ZBTB7A: variants seen among roughly 807,000 people sequenced by gnomAD.
The protein encoded by ZBTB7A is zinc finger and BTB domain-containing protein 7A.
ZBTB7A carries 7 observed loss-of-function variants against 26.7 expected under a neutral mutation model. That is an observed-to-expected ratio of 0.26 (90% CI 0.15 to 0.49). ZBTB7A has a LOEUF of 0.49. Ranked by LOEUF, ZBTB7A falls within the 20% of genes least tolerant of loss-of-function variation. ZBTB7A has a pLI of 0.98. For missense variants in ZBTB7A, 617 were observed against 919.5 expected, an observed-to-expected ratio of 0.67 and a Z score of 4.25; for synonymous variants, 452 against 441.0, an observed-to-expected ratio of 1.02 and a Z score of -0.31.
rs759055137 is a variant in ZBTB7A, at chr19:4,048,124, C to T, written c.1383G>A (p.Thr461=). 2.0e-5 allele frequency: 33 copies of T among 1,610,034 alleles called. No individual in the cohort carries two copies. Among genetic ancestry groups the T allele is most frequent in the East Asian group, 6.7e-5 (3 of 44,614 alleles). Residue 461 remains threonine (T), a synonymous_variant, in exon 3 of 3, where the codon ACG becomes ACA. Coordinates refer to ENST00000322357, the MANE Select transcript of ZBTB7A (RefSeq NM_015898.4). The surrounding 1 kb of genome is among the most constrained non-coding windows in gnomAD (Gnocchi z 6.7). ...TGTCGCACTGGTAGGGGCGCAGGCCCGTGTGCACGCGCATGTGGTTCTTCA... is the reference window on the plus strand; with the variant it reads ...TGTCGCACTGGTAGGGGCGCAGGCCTGTGTGCACGCGCATGTGGTTCTTCA... ...YDLKNHMRVH[T]GLRPYQCDSC...
rs377496407 is a variant in ZBTB7A, at chr19:4,054,879, G to T, written c.354C>A (p.Ala118=). The part of the protein sequence containing the change: ...LSAARLLEIP[A]VSHVCADLLD... ...GGAGGTCGGCGCACACGTGGCTCAC[G>T]GCGGGGATCTCCAGCAGGCGGGCGG... Residue 118 remains alanine, a synonymous_variant, in exon 2 of 3, where the codon GCC becomes GCA. Transcript: ENST00000322357. 6 of 1,607,596 alleles carry T rather than the reference G, an allele frequency of 3.7e-6. No homozygotes were observed. The African/African-American group carries it at 6.7e-5, about 18-fold the overall frequency.
chr19:4,051,330 T>C (rs878929976), intron 2 of ZBTB7A, among the ~76,000 whole-genome samples: 1 of 152,026 alleles, frequency 6.6e-6, no homozygotes, highest in Admixed American at 6.6e-5. Context: ...TGAAGACTTC[T>C]TTAGTGTGGG....
intron 2 of ZBTB7A, among the ~76,000 whole-genome samples, chr19:4,049,164 G>GTATA (rs748377446): frequency 0.018 from 384 of 20,990 alleles, 4 homozygotes; most frequent in Non-Finnish European, 0.036. Flanking sequence ...GTGTGTGTGT[G>GTATA]TGTGTATATA....
chr19:4,061,257 TGAG>T (rs1296940888), intron 1 of ZBTB7A, among the ~76,000 whole-genome samples: 2 of 152,080 alleles, frequency 1.3e-5, no homozygotes, highest in Admixed American at 6.5e-5. Flanking sequence ...TGGTGGGGCC[TGAG>T]GAGGAAGCTG....
chr19:4,064,062 G>C (rs2040665826), intron 1 of ZBTB7A, among the ~76,000 whole-genome samples: 1 of 152,212 alleles, frequency 6.6e-6, no homozygotes, highest in African/African-American at 2.4e-5. Flanking sequence ...GAACCTTTCC[G>C]ACCAGGCCCC....
intron 2 of ZBTB7A, 116 bp downstream of exon 2, chr19:4,053,855 G>A: frequency 8.2e-7 from 1 of 1,214,536 alleles, no homozygotes; most frequent in South Asian, 1.5e-5. Flanking sequence ...GTGCGTGTAT[G>A]TGTGCGTCTG....
At chr19:4,057,038 A>G (rs2040587391) in intron 1 of ZBTB7A, among the ~76,000 whole-genome samples, 4 of 145,836 alleles carry the variant, frequency 2.7e-5, no homozygotes, top group South Asian at 2.3e-4. Flanking sequence ...AAAAAAAAAA[A>G]AAAGAAAAAG....
chr19:4,064,398 A>G (rs557985350), intron 1 of ZBTB7A, among the ~76,000 whole-genome samples: 1 of 152,228 alleles, frequency 6.6e-6, no homozygotes, highest in South Asian at 2.1e-4. Context: ...CCCCGCCGAT[A>G]GGTGCTCTCG....
At chr19:4,055,645 ACC>A (rs1443509113) in intron 1 of ZBTB7A, 1 of 201,416 alleles carries the variant, frequency 5.0e-6, no homozygotes, top group East Asian at 1.9e-4. Context: ...ACACAGTGAA[ACC>A]CCGTCTCTAC....
chr19:4,053,114 A>G (rs764331972), intron 2 of ZBTB7A, among the ~76,000 whole-genome samples: 5 of 152,232 alleles, frequency 3.3e-5, no homozygotes, highest in Admixed American at 6.5e-5. Flanking sequence ...AAAAAAATCC[A>G]AAAGTGCAGA....
rs181207742 is a variant in ZBTB7A, at chr19:4,044,201, G to A, written c.*3551C>T. On this transcript the variant is annotated 3_prime_UTR_variant, in exon 3 of 3. Coordinates refer to ENST00000322357, the MANE Select transcript of ZBTB7A (RefSeq NM_015898.4). ...TGGAAGAGGCTGGGGGACCCCCCTC[G>A]GAAGGAAGCAAAAAGACAGTGACAG... 3.3e-5 allele frequency among the ~76,000 whole-genome samples: 5 copies of A among 152,040 alleles called. No individual in the cohort carries two copies. Among genetic ancestry groups the A allele is most frequent in the Admixed American group, 2.6e-4 (4 of 15,286 alleles).
chr19:4,065,876 G>A (rs1358955468), intron 1 of ZBTB7A: 2 of 141,114 alleles, frequency 1.4e-5, no homozygotes, highest in Admixed American at 1.4e-4. Flanking sequence ...ACCGGCCCCC[G>A]GCGAGGGGAG....
intron 1 of ZBTB7A, among the ~76,000 whole-genome samples, chr19:4,059,203 G>C (rs956287408): frequency 6.6e-6 from 1 of 152,230 alleles, no homozygotes; most frequent in African/African-American, 2.4e-5. Flanking sequence ...AACGCCCCAA[G>C]ATGGCTATCC....
chr19:4,043,968 TA>T lies in ZBTB7A; in HGVS notation c.*3783del, dbSNP rs2040380421. 1.3e-5 allele frequency among the ~76,000 whole-genome samples: 2 copies of T among 150,190 alleles called. No homozygotes were observed. The highest frequency in any genetic ancestry group is 6.6e-5 in the Admixed American group (1 of 15,232). Reference sequence around the variant, plus strand: ...TTTTGCTTTTTTTGTTGGTTTTTAATATTTTTTTTTCTTCTGTTTTTCCTTT... The same window carrying T: ...TTTTGCTTTTTTTGTTGGTTTTTAATTTTTTTTTTCTTCTGTTTTTCCTTT... On this transcript the variant is annotated 3_prime_UTR_variant, in exon 3 of 3. Coordinates refer to ENST00000322357, the MANE Select transcript of ZBTB7A (RefSeq NM_015898.4).
At position 4,046,778 on chromosome 19, in the gene ZBTB7A, A is replaced by C. The variant is rs1057378936; in HGVS notation, c.*974T>G. 13 of 147,216 alleles carry C rather than the reference A, an allele frequency of 8.8e-5. No individual in the cohort carries two copies. Among genetic ancestry groups the C allele is most frequent in the Admixed American group, 2.7e-4 (4 of 14,680 alleles). The allele number at this position is 147,216 out of a possible 1,614,324, so 9.1% of individuals were successfully genotyped here. A position where few individuals can be genotyped will look rare whatever the true frequency, so the allele number is the denominator to read the frequency against. On this transcript the variant is annotated 3_prime_UTR_variant, in exon 3 of 3. Coordinates refer to ENST00000322357, the MANE Select transcript of ZBTB7A (RefSeq NM_015898.4). ...GGAAAAGTATATTATTTATATATAT[A>C]TATATATCTATATATAAATTTTGTT...
intron 1 of ZBTB7A, among the ~76,000 whole-genome samples, chr19:4,060,790 G>T (rs866332383): frequency 2.0e-5 from 3 of 152,266 alleles, no homozygotes; most frequent in Middle Eastern, 6.8e-3. Flanking sequence ...GGTGAGGGCT[G>T]GGCAGGTAAC....
Position 4,047,778 on chromosome 19 carries a change from C to G in ZBTB7A, c.1729G>C (p.Gly577Arg). ...SGGGPGAATD[G>R]NFTAGLA ...TAGGCGAGTCCGGCTGTGAAGTTAC[C>G]GTCGGTGGCGGCCCCGGGGCCACCT... The change falls in exon 3 of 3, where the codon GGT becomes CGT. Residue 577 changes from glycine (G) to arginine (R), a missense_variant. Around this residue, in one of 5 missense-constraint regions of ZBTB7A, gnomAD observed 136 missense variants for 126.6 expected, o/e 1.07. Transcript: ENST00000322357. 1.3e-6 allele frequency: 2 copies of G among 1,599,286 alleles called. No individual in the cohort carries two copies. Among genetic ancestry groups the G allele is most frequent in the Non-Finnish European group, 1.7e-6 (2 of 1,173,674 alleles).
At position 4,048,337 on chromosome 19, in the gene ZBTB7A, C is replaced by A; in HGVS notation, c.1263-93G>T. On this transcript the variant is annotated intron_variant, in intron 2 of 2. Transcript: ENST00000322357. The surrounding 1 kb of genome is among the most constrained non-coding windows in gnomAD (Gnocchi z 6.7). The stretch of plus-strand genomic sequence containing the variant: ...CTCACGGACACGGCAGGCCCTGGAT[C>A]ATCACCCTTGCAGAACACGGACCGT... 10 of 1,420,766 alleles carry A rather than the reference C, an allele frequency of 7.0e-6. No individual in the cohort carries two copies. The highest frequency in any genetic ancestry group is 1.5e-5 in the South Asian group (1 of 67,180). 88.0% of individuals were successfully genotyped at this position (1,420,766 alleles called of 1,614,324 possible). A position where few individuals can be genotyped will look rare whatever the true frequency, so the allele number is the denominator to read the frequency against.
In ZBTB7A at chr19:4,053,916, G is replaced by A. The variant is rs2040536917; in HGVS notation, c.1262+55C>T. On this transcript the variant is annotated intron_variant, in intron 2 of 2. Transcript: ENST00000322357. ...GAGAGAGGCGGGAGGGGTCGTGAGC[G>A]GCGGATGCTGGGGCAGAGAGCAGGA... The A allele has an allele frequency of 5.2e-6, 8 of 1,529,792 alleles. No individual in the cohort carries two copies. In the Admixed American group the frequency reaches 7.6e-5, roughly 14 times the overall value. The allele number at this position is 1,529,792 out of a possible 1,614,324, so 94.8% of individuals were successfully genotyped here.
Sources: gnomAD v4.1 joint callset for allele counts (sites outside exome capture counted in the v4.1 genomes callset) on GRCh38, gnomAD v4.1.1 for gene constraint, gnomAD v4.1.1 regional missense constraint, Gnocchi (gnomAD v3.1) non-coding constraint, MANE v1.5 for transcripts, NCBI Gene and HGNC (gene_info 2026-07-23, HGNC 2026-07-21) for gene names.